The following CHST4 variants were observed in gnomAD, a reference collection of about 807,000 sequenced individuals.
The protein encoded by CHST4 is GST-3.
For synonymous variants in CHST4, 171 were observed against 195.5 expected (o/e 0.87, Z 1.05); for missense variants, 466 against 506.0 (o/e 0.92, Z 0.76).
At position 71,536,819 on chromosome 16, in the gene CHST4, C is replaced by G. The variant is rs1173846637; in HGVS notation, c.142C>G (p.Leu48Val). The change falls in exon 2 of 2, where the codon CTG becomes GTG. Residue 48 changes from leucine to valine, a missense_variant. Leu to Val is a conservative substitution (Grantham distance 32). Coordinates refer to ENST00000539698, the MANE Select transcript of CHST4 (RefSeq NM_001166395.2). ...GCCCGAGCGCATGCACGTGCTGGTT[C>G]TGTCTTCCTGGCGCTCTGGCTCTTC... ...AQPERMHVLV[L>V]SSWRSGSSFV... 1 of 1,536,550 alleles carries G rather than the reference C, an allele frequency of 6.5e-7. No homozygotes were observed. Among genetic ancestry groups the G allele is most frequent in the African/African-American group, 1.4e-5 (1 of 72,400 alleles).
intron 1 of CHST4, among the ~76,000 whole-genome samples, chr16:71,535,127 A>G (rs2043977784): frequency 6.6e-6 from 1 of 152,194 alleles, no homozygotes; most frequent in African/African-American, 2.4e-5. Flanking sequence ...CTGTCTATCA[A>G]CTGGAAAACC....
intron 1 of CHST4, among the ~76,000 whole-genome samples, chr16:71,533,575 G>A (rs747218769): frequency 4.6e-5 from 7 of 152,124 alleles, no homozygotes; most frequent in South Asian, 2.1e-4. Context: ...CTGTCAGTAC[G>A]TAAAAAAGAG....
At chr16:71,528,183 G>A (rs1447062992) in intron 1 of CHST4, among the ~76,000 whole-genome samples, 7 of 149,838 alleles carry the variant, frequency 4.7e-5, no homozygotes, top group Admixed American at 1.3e-4. Flanking sequence ...CTGAGGAGTC[G>A]AGGTTGCAGT....
intron 1 of CHST4, among the ~76,000 whole-genome samples, chr16:71,526,842 C>T (rs1482371202): frequency 6.6e-6 from 1 of 152,144 alleles, no homozygotes; most frequent in Non-Finnish European, 1.5e-5. Flanking sequence ...CTTCCTGCAG[C>T]TTCTCCTCTG....
At chr16:71,536,382 C>G (rs2145207451) in intron 1 of CHST4, among the ~76,000 whole-genome samples, 1 of 152,274 alleles carries the variant, frequency 6.6e-6, no homozygotes, top group Admixed American at 6.5e-5. Context: ...TGGTTGAGTT[C>G]AGATATTTTT....
At chr16:71,533,340 A>T (rs2043961808) in intron 1 of CHST4, among the ~76,000 whole-genome samples, 2 of 150,952 alleles carry the variant, frequency 1.3e-5, no homozygotes, top group South Asian at 4.2e-4. Context: ...CAGGAGAATC[A>T]CTTGAACCCG....
At chr16:71,529,107 G>GTTTTTTT (rs397717246) in intron 1 of CHST4, among the ~76,000 whole-genome samples, 1 of 136,106 alleles carries the variant, frequency 7.3e-6, no homozygotes, top group African/African-American at 2.7e-5. Flanking sequence ...TTTGTTTTTT[G>GTTTTTTT]TTTTTTTTTT....
At chr16:71,529,442 G>A (rs560308348) in intron 1 of CHST4, among the ~76,000 whole-genome samples, 17 of 151,256 alleles carry the variant, frequency 1.1e-4, no homozygotes, top group African/African-American at 3.9e-4. Flanking sequence ...AAGAGTGTCC[G>A]TGTGCATTTC....
intron 1 of CHST4, among the ~76,000 whole-genome samples, chr16:71,530,727 T>C (rs2043942245): frequency 6.6e-6 from 1 of 151,432 alleles, no homozygotes; most frequent in Admixed American, 6.6e-5. Context: ...TGAGCTATGA[T>C]CATGCCACTG....
chr16:71,531,583 T>G (rs553775593), intron 1 of CHST4, among the ~76,000 whole-genome samples: 1 of 152,224 alleles, frequency 6.6e-6, no homozygotes, highest in African/African-American at 2.4e-5. Context: ...CAGCTCCAGC[T>G]TGGGGAGGAA....
rs780683070 is a variant in CHST4 at position 71,538,071 on chromosome 16, A to G, written c.*233A>G. 12 of 559,408 alleles carry G rather than the reference A, an allele frequency of 2.1e-5. No individual in the cohort carries two copies. Among genetic ancestry groups the G allele is most frequent in the Non-Finnish European group, 3.9e-5 (12 of 310,078 alleles). The allele number at this position is 559,408 out of a possible 1,614,324, so 34.7% of individuals were successfully genotyped here. On this transcript the variant is annotated 3_prime_UTR_variant, in exon 2 of 2. Transcript: ENST00000539698. ...GCACATCCCACCAGTGAAACAGGGT[A>G]TTGCTCTTCTTCTTTTCTTGATCTT...
intron 1 of CHST4, among the ~76,000 whole-genome samples, chr16:71,535,934 G>A (rs1448237745): frequency 6.6e-6 from 1 of 152,166 alleles, no homozygotes. Flanking sequence ...GGGCAGGTGA[G>A]GTCAGGTGCT....
chr16:71,528,143 G>A (rs537412267), intron 1 of CHST4, among the ~76,000 whole-genome samples: 15 of 151,710 alleles, frequency 9.9e-5, no homozygotes, highest in Admixed American at 3.3e-4. Context: ...CAGGTCACTC[G>A]GGAGGCTGAG....
intron 1 of CHST4, among the ~76,000 whole-genome samples, chr16:71,531,324 G>A (rs943572806): frequency 2.0e-5 from 3 of 152,158 alleles, no homozygotes; most frequent in South Asian, 4.1e-4. Context: ...ACAGTCTTCA[G>A]AAATGAGTTT....
chr16:71,537,345 T>C lies in CHST4; in HGVS notation c.668T>C (p.Ile223Thr). ...GAACGCACAAAGGGAGATCTCATGA[T>C]TGACAGTCGCATTGTGATGGGGCAG... Reference protein sequence around the residue: ...SRERTKGDLMIDSRIVMGQHE... With the variant: ...SRERTKGDLMTDSRIVMGQHE... Residue 223 changes from isoleucine (I) to threonine (T), a missense_variant, in exon 2 of 2, where the codon ATT becomes ACT. Coordinates refer to ENST00000539698, the MANE Select transcript of CHST4 (RefSeq NM_001166395.2). The surrounding 1 kb of genome is among the most constrained non-coding windows in gnomAD (Gnocchi z 4.2). 2.5e-6 allele frequency: 4 copies of C among 1,614,160 alleles called. No individual in the cohort carries two copies. Among genetic ancestry groups the C allele is most frequent in the Non-Finnish European group, 3.4e-6 (4 of 1,180,022 alleles).
At chr16:71,527,246 CTA>C (rs2043914766) in intron 1 of CHST4, among the ~76,000 whole-genome samples, 2 of 152,112 alleles carry the variant, frequency 1.3e-5, no homozygotes, top group Admixed American at 1.3e-4. Context: ...AAATACTTTT[CTA>C]TGTGTAAAAT....
At chr16:71,528,226 G>C (rs1163044384) in intron 1 of CHST4, among the ~76,000 whole-genome samples, 1 of 140,194 alleles carries the variant, frequency 7.1e-6, no homozygotes, top group African/African-American at 2.7e-5. Context: ...CTCCAGCCTG[G>C]ACAACAGAGC....
At chr16:71,532,204 C>T (rs563443189) in intron 1 of CHST4, among the ~76,000 whole-genome samples, 1 of 152,030 alleles carries the variant, frequency 6.6e-6, no homozygotes, top group Non-Finnish European at 1.5e-5. Context: ...CCCGCCACCA[C>T]GCCTGGCTAA....
At chr16:71,527,054 C>T (rs2043913643) in intron 1 of CHST4, among the ~76,000 whole-genome samples, 1 of 152,210 alleles carries the variant, frequency 6.6e-6, no homozygotes, top group Non-Finnish European at 1.5e-5. Context: ...AGAAATGTCT[C>T]ATCACTGTCT....
Sources: allele counts gnomAD v4.1 joint callset (sites outside exome capture counted in the v4.1 genomes callset), GRCh38; gene constraint gnomAD v4.1.1; non-coding constraint Gnocchi (gnomAD v3.1); transcripts MANE v1.5; gene names NCBI Gene and HGNC (gene_info 2026-07-23, HGNC 2026-07-21).